Variants in CADM2 observed in about 807,000 individuals in gnomAD.
CADM2 encodes cell adhesion molecule 2.
CADM2 carries 12 observed loss-of-function variants against 49.8 expected under a neutral mutation model. The observed-to-expected ratio is 0.24, with a 90% CI of 0.15 to 0.39. CADM2 has a LOEUF of 0.39. CADM2 is among the 10% of genes least tolerant of loss of function. The probability of loss-of-function intolerance (pLI) is 1.00; values close to 1 mark genes in which losing one functional copy is unlikely to be tolerated. For synonymous variants in CADM2, 214 were observed against 175.4 expected, an observed-to-expected ratio of 1.22 and a Z score of -1.74; for missense variants, 378 against 492.3, an observed-to-expected ratio of 0.77 and a Z score of 2.20.
chr3:85,459,781 T>C (rs1283729985), intron 1 of CADM2, among the ~76,000 whole-genome samples: 1 of 152,234 alleles, frequency 6.6e-6, no homozygotes, highest in Non-Finnish European at 1.5e-5. Context: ...CTAAAAAGCA[T>C]GTTTGTTGGA....
intron 1 of CADM2, among the ~76,000 whole-genome samples, chr3:85,340,946 T>C (rs2045223330): frequency 6.6e-6 from 1 of 151,734 alleles, no homozygotes; most frequent in Non-Finnish European, 1.5e-5. Flanking sequence ...CAGTTATCTT[T>C]AGTTAAAAGC....
At chr3:85,801,995 TAA>T in intron 2 of CADM2, 50 bp from the exon 3 acceptor site, 1 of 1,354,102 alleles carries the variant, frequency 7.4e-7, no homozygotes, top group South Asian at 1.8e-5. Flanking sequence ...CTTAGGCAGT[TAA>T]TCATTTTATG....
At chr3:85,367,967 G>A (rs1179558387) in intron 1 of CADM2, among the ~76,000 whole-genome samples, 1 of 151,966 alleles carries the variant, frequency 6.6e-6, no homozygotes, top group Non-Finnish European at 1.5e-5. Context: ...AATTGGAATA[G>A]TATATTCTCA....
intron 1 of CADM2, among the ~76,000 whole-genome samples, chr3:85,632,855 T>C (rs747394032): frequency 1.3e-4 from 20 of 152,234 alleles, no homozygotes; most frequent in African/African-American, 4.6e-4. Flanking sequence ...AAATTTAATA[T>C]GACTATTATA....
chr3:84,965,392 A>T (rs2030900140), intron 1 of CADM2, among the ~76,000 whole-genome samples: 1 of 152,212 alleles, frequency 6.6e-6, no homozygotes, highest in South Asian at 2.1e-4. Flanking sequence ...GTGAAATGGG[A>T]AGTCTTTTTC....
chr3:85,756,160 A>G (rs944177938), intron 2 of CADM2, among the ~76,000 whole-genome samples: 1 of 128,408 alleles, frequency 7.8e-6, no homozygotes, highest in African/African-American at 2.5e-5. Flanking sequence ...GACAAAGACC[A>G]ATTTTTTTTT....
chr3:85,312,489 C>T lies in CADM2; in HGVS notation c.61+352821C>T, dbSNP rs564692845. 2.0e-5 allele frequency among the ~76,000 whole-genome samples: 3 copies of T among 151,770 alleles called. No individual in the cohort carries two copies. In the East Asian group the frequency reaches 5.8e-4, roughly 29 times the overall value. Reference sequence around the variant, plus strand: ...GTAATAAGTATATGTGAGCATGATGCGGCATGATTTGATTTCATCATCTAG... The same window carrying T: ...GTAATAAGTATATGTGAGCATGATGTGGCATGATTTGATTTCATCATCTAG... On this transcript the variant is annotated intron_variant, in intron 1 of 9. Coordinates refer to ENST00000383699, the MANE Select transcript of CADM2 (RefSeq NM_001167675.2).
intron 1 of CADM2, among the ~76,000 whole-genome samples, chr3:84,971,002 A>C (rs1301622427): frequency 1.3e-5 from 2 of 152,146 alleles, no homozygotes; most frequent in Non-Finnish European, 2.9e-5. Context: ...ACCTATGGTT[A>C]AATATGACAT....
intron 1 of CADM2, among the ~76,000 whole-genome samples, chr3:85,266,616 G>T (rs2043126017): frequency 6.8e-6 from 1 of 147,866 alleles, no homozygotes; most frequent in Non-Finnish European, 1.5e-5. Flanking sequence ...AGACGGTAAG[G>T]TTTTAACTGC....
chr3:85,766,251 C>G lies in CADM2; in HGVS notation c.89-35796C>G, dbSNP rs547514391. On this transcript the variant is annotated intron_variant, in intron 2 of 9. Transcript: ENST00000383699. ...CCATATAACAAGGTGTATAATGTAC[C>G]TAGAGTATATGTGCTCTAGGTAAGA... Among the ~76,000 whole-genome samples, 10 of 152,088 alleles carry G rather than the reference C, an allele frequency of 6.6e-5. 1 individual carries two copies. In the East Asian group the frequency reaches 9.6e-4, roughly 15 times the overall value.
intron 3 of CADM2, among the ~76,000 whole-genome samples, chr3:85,868,983 A>C (rs969077531): frequency 1.3e-5 from 2 of 151,930 alleles, no homozygotes; most frequent in African/African-American, 4.8e-5. Flanking sequence ...ATTGGAGTTT[A>C]TATCTTCTTA....
At chr3:86,007,522 C>G (rs1730943229) in intron 8 of CADM2, among the ~76,000 whole-genome samples, 1 of 152,112 alleles carries the variant, frequency 6.6e-6, no homozygotes, top group Non-Finnish European at 1.5e-5. Context: ...GATGGAGGAG[C>G]TTGCCAGGTT....
intron 1 of CADM2, among the ~76,000 whole-genome samples, chr3:85,697,088 TA>T (rs2066586099): frequency 7.4e-5 from 10 of 134,728 alleles, no homozygotes; most frequent in Non-Finnish European, 1.2e-4. Context: ...ATATGCCATA[TA>T]TATATATGCC....
At chr3:85,233,558 A>G (rs908396964) in intron 1 of CADM2, among the ~76,000 whole-genome samples, 6 of 152,166 alleles carry the variant, frequency 3.9e-5, no homozygotes, top group African/African-American at 1.4e-4. Flanking sequence ...AAAATATATT[A>G]AAATAGTTAG....
intron 8 of CADM2, among the ~76,000 whole-genome samples, chr3:86,039,975 T>C (rs1419695059): frequency 1.3e-5 from 2 of 152,080 alleles, no homozygotes; most frequent in Non-Finnish European, 2.9e-5. Flanking sequence ...GCAAACAGGG[T>C]CTGGAGTGGA....
chr3:85,924,678 C>T (rs1457466208), intron 6 of CADM2, among the ~76,000 whole-genome samples: 1 of 152,074 alleles, frequency 6.6e-6, no homozygotes, highest in Non-Finnish European at 1.5e-5. Context: ...ATTTTTACTG[C>T]TACCTTTTGC....
intron 3 of CADM2, among the ~76,000 whole-genome samples, chr3:85,870,167 T>C (rs2075869708): frequency 6.6e-6 from 1 of 152,166 alleles, no homozygotes; most frequent in Non-Finnish European, 1.5e-5. Flanking sequence ...ATTCCTTATA[T>C]ATCTTGAATA....
At chr3:85,304,874 T>C (rs2107011539) in intron 1 of CADM2, among the ~76,000 whole-genome samples, 1 of 151,894 alleles carries the variant, frequency 6.6e-6, no homozygotes, top group East Asian at 1.9e-4. Context: ...AGTCTTTTAC[T>C]TATGACTCTC....
intron 8 of CADM2, among the ~76,000 whole-genome samples, chr3:86,042,755 A>G (rs1480816391): frequency 6.6e-6 from 1 of 152,190 alleles, no homozygotes; most frequent in African/African-American, 2.4e-5. Context: ...CTGATACCAA[A>G]GCCTGGCAAA....
Sources: allele counts gnomAD v4.1 joint callset (sites outside exome capture counted in the v4.1 genomes callset), GRCh38; gene constraint gnomAD v4.1.1; transcripts MANE v1.5; gene names NCBI Gene and HGNC (gene_info 2026-07-23, HGNC 2026-07-21).